The following IGF2BP2 variants were observed in gnomAD, a reference collection of about 807,000 sequenced individuals.
IGF2BP2 encodes the protein insulin-like growth factor 2 mRNA-binding protein 2.
A neutral mutation model predicts 75.8 loss-of-function variants in IGF2BP2; 17 were observed. The ratio of observed to expected loss-of-function variants is 0.22; its 90% CI spans 0.15 to 0.34. The LOEUF (loss-of-function observed/expected upper bound fraction) is 0.34. IGF2BP2 is among the 10% of genes least tolerant of loss of function. IGF2BP2 has a pLI of 1.00. For missense variants in IGF2BP2, 516 were observed against 772.4 expected (o/e 0.67, Z 3.93); for synonymous variants, 288 against 295.6 (o/e 0.97, Z 0.26).
chr3:185,796,466 G>A (rs925433182), intron 2 of IGF2BP2, among the ~76,000 whole-genome samples: 1 of 151,576 alleles, frequency 6.6e-6, no homozygotes, highest in Non-Finnish European at 1.5e-5. Context: ...AGGGGCCTGA[G>A]GTAGGAGAAT....
intron 2 of IGF2BP2, among the ~76,000 whole-genome samples, chr3:185,729,078 C>T (rs558963021): frequency 6.6e-6 from 1 of 151,754 alleles, no homozygotes; most frequent in African/African-American, 2.4e-5. Flanking sequence ...TTAAAACTGT[C>T]CTTGACAAAG....
intron 2 of IGF2BP2, among the ~76,000 whole-genome samples, chr3:185,774,839 A>T (rs1477544796): frequency 1.3e-5 from 2 of 151,662 alleles, no homozygotes; most frequent in East Asian, 3.9e-4. Flanking sequence ...GGCCAATATG[A>T]TGAAACCCCG....
At chr3:185,785,647 T>G (rs1229678796) in intron 2 of IGF2BP2, among the ~76,000 whole-genome samples, 1 of 152,016 alleles carries the variant, frequency 6.6e-6, no homozygotes, top group Non-Finnish European at 1.5e-5. Flanking sequence ...ATCAAGACTC[T>G]GCCTCTAAAA....
At chr3:185,792,503 T>C (rs1378109192) in intron 2 of IGF2BP2, among the ~76,000 whole-genome samples, 5 of 151,830 alleles carry the variant, frequency 3.3e-5, no homozygotes, top group Non-Finnish European at 7.4e-5. Flanking sequence ...CAGTGACTCA[T>C]GCCTGTAATC....
chr3:185,670,572 T>A (rs1186760175), intron 10 of IGF2BP2, among the ~76,000 whole-genome samples: 1 of 152,154 alleles, frequency 6.6e-6, no homozygotes, highest in Non-Finnish European at 1.5e-5. Flanking sequence ...ATTTATTTAT[T>A]TATTTATTTA....
At chr3:185,679,327 A>G (rs1319521002) in intron 7 of IGF2BP2, among the ~76,000 whole-genome samples, 2 of 151,966 alleles carry the variant, frequency 1.3e-5, no homozygotes, top group East Asian at 3.9e-4. Flanking sequence ...AAGTCATAGC[A>G]TCCTATTTTG....
intron 5 of IGF2BP2, among the ~76,000 whole-genome samples, chr3:185,692,355 A>G (rs182370822): frequency 6.6e-6 from 1 of 152,366 alleles, no homozygotes; most frequent in East Asian, 1.9e-4. Context: ...ACAGTGTCAC[A>G]GGTATGGTGC....
intron 10 of IGF2BP2, among the ~76,000 whole-genome samples, chr3:185,665,320 A>AAGGAGGAGGAGGAGGAGAAGGAGG (rs1717207816): frequency 6.0e-5 from 3 of 50,144 alleles, no homozygotes; most frequent in African/African-American, 8.4e-5. Context: ...GCAGAAGGAG[A>AAGGAGGAGGAGGAGGAGAAGGAGG]AGGAGGAGGA....
Position 185,691,937 on chromosome 3 carries a change from C to G in IGF2BP2, c.404+762G>C, listed in dbSNP as rs142102479. Among the ~76,000 whole-genome samples, 58 of 152,062 alleles carry G rather than the reference C, an allele frequency of 3.8e-4. No homozygotes were observed. The East Asian group carries it at 0.011, about 29-fold the overall frequency. On this transcript the variant is annotated intron_variant, in intron 5 of 15. Transcript: ENST00000382199. ...GTTTTTTTGTAGAGACTGGGTCTCC[C>G]TATGTTGTCCAGGTTGGTCTCAAAC...
At chr3:185,805,925 C>A (rs914587836) in intron 2 of IGF2BP2, among the ~76,000 whole-genome samples, 2 of 151,676 alleles carry the variant, frequency 1.3e-5, no homozygotes, top group South Asian at 4.2e-4. Flanking sequence ...TGCCCACCAC[C>A]CCCCACCCCC....
intron 12 of IGF2BP2, among the ~76,000 whole-genome samples, chr3:185,655,590 A>G (rs1036209493): frequency 6.6e-6 from 1 of 152,230 alleles, no homozygotes; most frequent in East Asian, 1.9e-4. Flanking sequence ...TGTAGAGTCC[A>G]TTCTGTCCTC....
intron 2 of IGF2BP2, chr3:185,713,202 G>A (rs1048367448): frequency 5.8e-6 from 2 of 347,772 alleles, no homozygotes; most frequent in African/African-American, 4.3e-5. Flanking sequence ...TAAACCACCA[G>A]GTCAAAGTTC....
At chr3:185,800,153 C>T (rs888289515) in intron 2 of IGF2BP2, among the ~76,000 whole-genome samples, 62 of 152,274 alleles carry the variant, frequency 4.1e-4, no homozygotes, top group African/African-American at 1.4e-3. Context: ...TGGAAACCAT[C>T]ACTCTCAGTA....
chr3:185,672,475 CA>C, intron 10 of IGF2BP2, 65 bp downstream of exon 10: 4 of 1,520,472 alleles, frequency 2.6e-6, no homozygotes, highest in Non-Finnish European at 3.6e-6. Context: ...TTCCACACAG[CA>C]GAGGCATGCT....
Position 185,675,523 on chromosome 3 carries a change from G to A in IGF2BP2, c.936-92C>T, listed in dbSNP as rs181483903. 5.8e-5 allele frequency: 84 copies of A among 1,445,762 alleles called. No homozygotes were observed. The African/African-American group carries it at 1.1e-3, about 20-fold the overall frequency. The allele number at this position is 1,445,762 out of a possible 1,614,324, so 89.6% of individuals were successfully genotyped here. ...AAAATCACAAACAAGTTTTGGCGGA[G>A]AGAGAGAAGACTCAATTCCCTCCCA... On this transcript the variant is annotated intron_variant, in intron 8 of 15. Transcript: ENST00000382199.
intron 2 of IGF2BP2, among the ~76,000 whole-genome samples, chr3:185,809,775 GGAA>G (rs1042273747): frequency 1.3e-5 from 2 of 152,024 alleles, no homozygotes; most frequent in Non-Finnish European, 2.9e-5. Flanking sequence ...AGAGGAAAAG[GGAA>G]GAAGAAATAA....
chr3:185,703,302 T>C (rs1723563622), intron 2 of IGF2BP2, among the ~76,000 whole-genome samples: 1 of 152,254 alleles, frequency 6.6e-6, no homozygotes, highest in African/African-American at 2.4e-5. Context: ...TATCTTTGGC[T>C]GTAGATACCC....
intron 2 of IGF2BP2, among the ~76,000 whole-genome samples, chr3:185,704,416 A>T (rs1410989739): frequency 6.6e-6 from 1 of 152,122 alleles, no homozygotes; most frequent in Non-Finnish European, 1.5e-5. Flanking sequence ...GAAGCAAATA[A>T]ATCACCAGTG....
intron 2 of IGF2BP2, among the ~76,000 whole-genome samples, chr3:185,800,672 G>C (rs562426540): frequency 1.1e-4 from 16 of 146,750 alleles, no homozygotes. Flanking sequence ...AGGAGGCGGA[G>C]GTTGCAGTGA....
Sources: gnomAD v4.1 joint callset for allele counts (sites outside exome capture counted in the v4.1 genomes callset) on GRCh38, gnomAD v4.1.1 for gene constraint, MANE v1.5 for transcripts, NCBI Gene and HGNC (gene_info 2026-07-23, HGNC 2026-07-21) for gene names.